IL1RAPL2: variants seen among roughly 807,000 people sequenced by gnomAD.
IL1RAPL2 encodes interleukin 1 receptor accessory protein like 2.
IL1RAPL2 carries 3 observed loss-of-function variants against 44.1 expected under a neutral mutation model. The ratio of observed to expected loss-of-function variants is 0.07; its 90% CI spans 0.03 to 0.18. The LOEUF (loss-of-function observed/expected upper bound fraction) is 0.18, where lower values mean the gene tolerates loss of function less well. Ranked by LOEUF, IL1RAPL2 falls within the 10% of genes least tolerant of loss-of-function variation. The pLI, the probability that IL1RAPL2 is intolerant of heterozygous loss-of-function variation, is 1.00. For missense variants in IL1RAPL2, 391 were observed against 496.4 expected (o/e 0.79, Z 2.02); for synonymous variants, 181 against 178.8 (o/e 1.01, Z -0.10).
chrX:104,685,152 G>A (rs1340690278), intron 2 of IL1RAPL2, among the ~76,000 whole-genome samples: 4 of 111,846 alleles, frequency 3.6e-5, no homozygotes, highest in Admixed American at 9.5e-5. Flanking sequence ...TTTGCCAGAT[G>A]CATGCAAGAG....
rs777489324 is a variant in IL1RAPL2, at chrX:105,499,894, C to T, written c.772+15507C>T. On this transcript the variant is annotated intron_variant, in intron 6 of 10. Transcript: ENST00000372582. The stretch of plus-strand genomic sequence containing the variant: ...ACTACCATATCATCCAGCAATTTCA[C>T]TTCTGAATATTTGCCAAGATGTGGA... Among the ~76,000 whole-genome samples, 3 of 112,060 alleles carry T rather than the reference C, an allele frequency of 2.7e-5. No individual in the cohort carries two copies. In the South Asian group the frequency reaches 1.1e-3, roughly 41 times the overall value.
intron 2 of IL1RAPL2, among the ~76,000 whole-genome samples, chrX:105,030,993 C>A (rs1321889184): frequency 2.7e-5 from 3 of 110,264 alleles, no homozygotes; most frequent in African/African-American, 9.9e-5. Flanking sequence ...GTATTTTATT[C>A]TCTTTGAAGC....
At chrX:105,687,082 A>T (rs2037985259) in intron 6 of IL1RAPL2, among the ~76,000 whole-genome samples, 2 of 112,156 alleles carry the variant, frequency 1.8e-5, no homozygotes, top group East Asian at 5.6e-4. Flanking sequence ...CAGTATGTAG[A>T]GGGAAATTTA....
Position 104,738,148 on chromosome X carries a change from C to T in IL1RAPL2, c.82+79153C>T, listed in dbSNP as rs182444907. On this transcript the variant is annotated intron_variant, in intron 2 of 10. Transcript: ENST00000372582. ...CACCACCATAGCTACACAGCTATAC[C>T]ATATTCACACACCACATTTGTTTCA... Among the ~76,000 whole-genome samples, 20 of 112,312 alleles carry T rather than the reference C, an allele frequency of 1.8e-4. No homozygotes were observed. In the East Asian group the frequency reaches 5.7e-3, roughly 32 times the overall value.
At chrX:105,321,962 A>C (rs891815075) in intron 5 of IL1RAPL2, among the ~76,000 whole-genome samples, 2 of 112,957 alleles carry the variant, frequency 1.8e-5, no homozygotes, top group Non-Finnish European at 3.7e-5. Flanking sequence ...CAGCCCTAGC[A>C]GGCCAAGGGG....
rs776914783 is a variant in IL1RAPL2 at position 104,883,709 on chromosome X, C to T, written c.82+224714C>T. On this transcript the variant is annotated intron_variant, in intron 2 of 10. Coordinates refer to ENST00000372582, the MANE Select transcript of IL1RAPL2 (RefSeq NM_017416.2). Reference sequence around the variant, plus strand: ...AGTGTAAACTCCAGGACTCTGTTACCTTCTTTAGGCACCCAGGCTCACCAA... The same window carrying T: ...AGTGTAAACTCCAGGACTCTGTTACTTTCTTTAGGCACCCAGGCTCACCAA... Among the ~76,000 whole-genome samples, 5 of 111,031 alleles carry T rather than the reference C, an allele frequency of 4.5e-5. No individual in the cohort carries two copies. In the South Asian group the frequency reaches 1.9e-3, roughly 43 times the overall value.
chrX:104,715,742 C>T (rs1397805868), intron 2 of IL1RAPL2, among the ~76,000 whole-genome samples: 1 of 109,173 alleles, frequency 9.2e-6, no homozygotes, highest in Non-Finnish European at 1.9e-5. Context: ...GGTGAAAGAG[C>T]TCTACAAGGA....
chrX:105,177,369 T>C (rs188364797), intron 2 of IL1RAPL2, among the ~76,000 whole-genome samples: 1 of 110,885 alleles, frequency 9.0e-6, no homozygotes, highest in Non-Finnish European at 1.9e-5. Flanking sequence ...CAGGTCCCAC[T>C]GATTCTACAT....
At chrX:105,094,011 T>C (rs2032575413) in intron 2 of IL1RAPL2, among the ~76,000 whole-genome samples, 1 of 111,465 alleles carries the variant, frequency 9.0e-6, no homozygotes, top group African/African-American at 3.3e-5. Flanking sequence ...TGGCAATGGG[T>C]AGAGGTGCAA....
At chrX:105,097,124 C>A (rs1328280623) in intron 2 of IL1RAPL2, among the ~76,000 whole-genome samples, 1 of 108,794 alleles carries the variant, frequency 9.2e-6, no homozygotes, top group Non-Finnish European at 1.9e-5. Flanking sequence ...GTCAGGAGAT[C>A]GAGACCATCC....
intron 5 of IL1RAPL2, among the ~76,000 whole-genome samples, chrX:105,302,922 C>T (rs756776612): frequency 3.8e-4 from 42 of 111,971 alleles, no homozygotes; most frequent in Non-Finnish European, 6.0e-4. Context: ...AGCTTCTGAC[C>T]GCTGGGTTGG....
At chrX:104,949,048 T>A (rs1430693970) in intron 2 of IL1RAPL2, among the ~76,000 whole-genome samples, 3 of 110,631 alleles carry the variant, frequency 2.7e-5, no homozygotes, top group Admixed American at 9.6e-5. Context: ...CATCTCGTCC[T>A]GGACTCTTTT....
At chrX:105,738,270 A>T (rs1292215843) in intron 7 of IL1RAPL2, among the ~76,000 whole-genome samples, 1 of 112,020 alleles carries the variant, frequency 8.9e-6, no homozygotes, top group Non-Finnish European at 1.9e-5. Flanking sequence ...ACTTTAACCC[A>T]TTTTACCCTT....
At chrX:104,881,123 G>A (rs1329505773) in intron 2 of IL1RAPL2, among the ~76,000 whole-genome samples, 4 of 111,446 alleles carry the variant, frequency 3.6e-5, no homozygotes, top group Non-Finnish European at 7.5e-5. Context: ...TTATAAAAAT[G>A]TAAGATTATC....
intron 5 of IL1RAPL2, among the ~76,000 whole-genome samples, chrX:105,447,660 AATATAAATAT>A (rs1469998786): frequency 1.5e-4 from 12 of 80,012 alleles, no homozygotes; most frequent in African/African-American, 5.1e-4. Flanking sequence ...AATATAAATA[AATATAAATAT>A]ATATAAATAT....
chrX:105,554,441 G>T (rs1365660976), intron 6 of IL1RAPL2, among the ~76,000 whole-genome samples: 1 of 111,289 alleles, frequency 9.0e-6, no homozygotes, highest in East Asian at 2.8e-4. Context: ...GGGATTCACT[G>T]ACTCTCAAAT....
At chrX:105,320,596 GTGTT>G (rs199608712) in intron 5 of IL1RAPL2, among the ~76,000 whole-genome samples, 6,811 of 111,838 alleles carry the variant, frequency 0.061, 496 homozygotes, top group African/African-American at 0.21. Context: ...ATGTGTATGT[GTGTT>G]TGTGTGTGTG....
intron 5 of IL1RAPL2, among the ~76,000 whole-genome samples, chrX:105,469,153 G>A (rs1489784321): frequency 1.8e-5 from 2 of 111,341 alleles, no homozygotes; most frequent in Admixed American, 9.6e-5. Flanking sequence ...GAAATTATGT[G>A]TTCAGTTTAT....
At chrX:105,695,296 G>A (rs950700877) in intron 6 of IL1RAPL2, among the ~76,000 whole-genome samples, 5 of 111,694 alleles carry the variant, frequency 4.5e-5, no homozygotes, top group African/African-American at 1.6e-4. Flanking sequence ...AAGAGGTATC[G>A]TATTTTCAGG....
Sources: allele counts gnomAD v4.1 joint callset (sites outside exome capture counted in the v4.1 genomes callset), GRCh38; gene constraint gnomAD v4.1.1; transcripts MANE v1.5; gene names NCBI Gene and HGNC (gene_info 2026-07-23, HGNC 2026-07-21).